RNPS1: variants seen among roughly 807,000 people sequenced by gnomAD.
RNPS1 encodes RNA-binding protein with serine-rich domain 1.
For missense variants in RNPS1, 300 were observed against 427.6 expected, an observed-to-expected ratio of 0.70 and a Z score of 2.63; for synonymous variants, 147 against 150.0, an observed-to-expected ratio of 0.98 and a Z score of 0.15.
Position 2,254,057 on chromosome 16 carries a change from G to A in RNPS1, c.825C>T (p.Arg275=). ...GCACGGGGGACCTGCGCCTCGGGGA[G>A]CGGGACCTGCGGGAAGAGGAGAAAC... The part of the protein sequence containing the change: ...RSPPRMRRRS[R]SPRRRSPVRR... Residue 275 remains arginine (R), a synonymous_variant, in exon 8 of 8, where the codon CGC becomes CGT. Transcript: ENST00000320225. 1 of 1,477,808 alleles carries A rather than the reference G, an allele frequency of 6.8e-7. No homozygotes were observed. Among genetic ancestry groups the A allele is most frequent in the South Asian group, 1.4e-5 (1 of 71,794 alleles). The allele number at this position is 1,477,808 out of a possible 1,614,324, so 91.5% of individuals were successfully genotyped here. A position where few individuals can be genotyped will look rare whatever the true frequency, so the allele number is the denominator to read the frequency against.
chr16:2,256,017 C>T (rs958794201), intron 6 of RNPS1: 47 of 344,026 alleles, frequency 1.4e-4, no homozygotes, highest in Admixed American at 9.2e-4. Context: ...ACCAGCTACT[C>T]GGGAGGCTGA....
intron 7 of RNPS1, among the ~76,000 whole-genome samples, chr16:2,254,326 T>C (rs1449957332): frequency 6.6e-6 from 1 of 151,936 alleles, no homozygotes; most frequent in East Asian, 1.9e-4. Context: ...ATATATTTAT[T>C]TTGAGATGGG....
rs997820316 is a variant in RNPS1, at chr16:2,253,745, T to C, written c.*219A>G. On this transcript the variant is annotated 3_prime_UTR_variant, in exon 8 of 8. Transcript: ENST00000320225. ...AGAAACCGGAAACGGATGAGCTTTC[T>C]AGCCAGAAAACCGGAGGGAATCTTG... 1.5e-6 allele frequency: 1 copy of C among 664,524 alleles called. No individual in the cohort carries two copies. The allele number at this position is 664,524 out of a possible 1,614,324, so 41.2% of individuals were successfully genotyped here. A position where few individuals can be genotyped will look rare whatever the true frequency, so the allele number is the denominator to read the frequency against.
In RNPS1 at chr16:2,262,290, G is replaced by A. The variant is rs2093606193; in HGVS notation, c.664C>T (p.His222Tyr). Residue 222 changes from histidine to tyrosine, a missense_variant, in exon 6 of 8, where the codon CAC becomes TAC. By Grantham distance (83) the His-to-Tyr change is moderately conservative. Coordinates refer to ENST00000320225, the MANE Select transcript of RNPS1 (RefSeq NM_080594.4). The part of the protein sequence containing the change: ...NPDEAEKALK[H>Y]MDGGQIDGQE... The stretch of plus-strand genomic sequence containing the variant: ...CAGGGTCACCCACCTCCATCCATGT[G>A]CTTCAGCGCCTTCTCGGCTTCATCT... The A allele has an allele frequency of 3.7e-6, 6 of 1,612,884 alleles. No individual in the cohort carries two copies. The highest frequency in any genetic ancestry group is 5.1e-6 in the Non-Finnish European group (6 of 1,179,978).
chr16:2,258,081 T>G (rs1048313008), intron 6 of RNPS1: 2 of 152,190 alleles, frequency 1.3e-5, no homozygotes, highest in Non-Finnish European at 2.9e-5. Flanking sequence ...CAGATACAAA[T>G]AGCTATAAAC....
Position 2,264,169 on chromosome 16 carries a change from G to A in RNPS1, c.227+7C>T, listed in dbSNP as rs375342164. 7 of 1,612,466 alleles carry A rather than the reference G, an allele frequency of 4.3e-6. No individual in the cohort carries two copies. The highest frequency in any genetic ancestry group is 2.2e-5 in the South Asian group (2 of 91,014). On this transcript the variant is annotated splice_region_variant and intron_variant, in intron 3 of 7. Coordinates refer to ENST00000320225, the MANE Select transcript of RNPS1 (RefSeq NM_080594.4). ...TCCTCTCCAGGCTCCAGGCCAGCCC[G>A]CCCCACCTGGTACTGCTGCTACCAC...
At chr16:2,263,738 G>A (rs970107740) in intron 3 of RNPS1, among the ~76,000 whole-genome samples, 5 of 151,884 alleles carry the variant, frequency 3.3e-5, no homozygotes, top group East Asian at 1.9e-4. Context: ...TCAGCCTCCC[G>A]AGTAGCTGGG....
In RNPS1 at chr16:2,255,729, G is replaced by A. The variant is rs2093575185; in HGVS notation, c.677-3C>T. The stretch of plus-strand genomic sequence containing the variant: ...GATCTCCTGGCCATCAATTTGTCCT[G>A]TTGAAAAAGACAGCAAGTCATAAAA... On this transcript the variant is annotated splice_polypyrimidine_tract_variant and splice_region_variant and intron_variant, in intron 6 of 7. Transcript: ENST00000320225. 6.2e-7 allele frequency: 1 copy of A among 1,613,502 alleles called. No individual in the cohort carries two copies. Among genetic ancestry groups the A allele is most frequent in the South Asian group, 1.1e-5 (1 of 91,076 alleles).
rs745541687 is a variant in RNPS1, at chr16:2,263,294, G to T, written c.228-7C>A. 1 of 1,613,824 alleles carries T rather than the reference G, an allele frequency of 6.2e-7. No homozygotes were observed. Among genetic ancestry groups the T allele is most frequent in the Non-Finnish European group, 8.5e-7 (1 of 1,179,886 alleles). On this transcript the variant is annotated splice_polypyrimidine_tract_variant and splice_region_variant and intron_variant, in intron 3 of 7. Transcript: ENST00000320225. The stretch of plus-strand genomic sequence containing the variant: ...AGTCGAGCTGGACCGAGACCTGAGG[G>T]CAAGATGAGGGGTCACAACCACCAC...
rs1179515614 is a variant in RNPS1 at position 2,268,111 on chromosome 16, C to T, written c.-174G>A. The T allele has an allele frequency of 5.9e-6, 9 of 1,534,678 alleles. No individual in the cohort carries two copies. Among genetic ancestry groups the T allele is most frequent in the South Asian group, 1.2e-5 (1 of 84,022 alleles). ...TCCTCAGCCGCCGAGGCCGGCGCCG[C>T]TCTGACGTCAGAGTCAAGGAGCGGG... On this transcript the variant is annotated 5_prime_UTR_variant, in exon 1 of 8. Transcript: ENST00000320225.
chr16:2,267,199 C>G (rs1430509746), intron 1 of RNPS1: 1 of 985,312 alleles, frequency 1.0e-6, no homozygotes, highest in Non-Finnish European at 1.2e-6. Context: ...CGGCTCAGGA[C>G]CTCGGTTACC....
intron 6 of RNPS1, 82 bp downstream of exon 6, chr16:2,262,196 C>T (rs1448772460): frequency 1.4e-6 from 2 of 1,381,112 alleles, no homozygotes; most frequent in Middle Eastern, 2.6e-4. Context: ...AAAAGAAGTG[C>T]AGCCCAGTTG....
At position 2,253,944 on chromosome 16, in the gene RNPS1, C is replaced by T. The variant is rs1027120515; in HGVS notation, c.*20G>A. 54 of 1,549,590 alleles carry T rather than the reference C, an allele frequency of 3.5e-5. No homozygotes were observed. Among genetic ancestry groups the T allele is most frequent in the Non-Finnish European group, 4.6e-5 (53 of 1,145,032 alleles). On this transcript the variant is annotated 3_prime_UTR_variant, in exon 8 of 8. Coordinates refer to ENST00000320225, the MANE Select transcript of RNPS1 (RefSeq NM_080594.4). ...CTGGGTGGGGTATAAGTTACAGGGG[C>T]GAGAGCTTCAGTGGCCTGTTTATCG... is the stretch of plus-strand genomic sequence containing the variant.
chr16:2,266,080 G>A (rs1390598208), intron 1 of RNPS1: 1 of 982,234 alleles, frequency 1.0e-6, no homozygotes, highest in Non-Finnish European at 1.2e-6. Context: ...GAAGATCTCA[G>A]GAATGGAGTC....
chr16:2,260,581 T>A (rs918795225), intron 6 of RNPS1, among the ~76,000 whole-genome samples: 1 of 152,180 alleles, frequency 6.6e-6, no homozygotes, highest in Non-Finnish European at 1.5e-5. Context: ...CACTTTCTAA[T>A]GGACAAAAAC....
At position 2,263,276 on chromosome 16, in the gene RNPS1, C is replaced by G. The variant is rs1404823267; in HGVS notation, c.239G>C (p.Ser80Thr). Residue 80 changes from serine to threonine, a missense_variant, in exon 4 of 8, where the codon AGC becomes ACC. Ser to Thr is a moderately conservative substitution (Grantham distance 58). Coordinates refer to ENST00000320225, the MANE Select transcript of RNPS1 (RefSeq NM_080594.4). Reference protein sequence around the residue: ...SGSSSTRSRSSSTSSSGSSTS... With the variant: ...SGSSSTRSRSTSTSSSGSSTS... The stretch of plus-strand genomic sequence containing the variant: ...GCTGGAGCCTGAGCTGGAAGTCGAG[C>G]TGGACCGAGACCTGAGGGCAAGATG... 6.2e-7 allele frequency: 1 copy of G among 1,613,832 alleles called. No individual in the cohort carries two copies. The highest frequency in any genetic ancestry group is 8.5e-7 in the Non-Finnish European group (1 of 1,179,954).
chr16:2,265,084 A>G (rs2093619782), intron 1 of RNPS1: 1 of 164,120 alleles, frequency 6.1e-6, no homozygotes, highest in Non-Finnish European at 1.3e-5. Context: ...TCCTTTCAAA[A>G]TGCCACAGCA....
intron 6 of RNPS1, chr16:2,255,964 A>C: frequency 2.0e-6 from 1 of 498,462 alleles, no homozygotes; most frequent in Non-Finnish European, 3.6e-6. Flanking sequence ...TCTCTACTAA[A>C]AAGACAATAA....
At chr16:2,267,572 G>A (rs2093630113) in intron 1 of RNPS1, 2 of 1,055,926 alleles carry the variant, frequency 1.9e-6, no homozygotes, top group Non-Finnish European at 2.3e-6. Flanking sequence ...GGGATCGGCC[G>A]ACCTTCCACC....
Sources: allele counts gnomAD v4.1 joint callset (sites outside exome capture counted in the v4.1 genomes callset), GRCh38; gene constraint gnomAD v4.1.1; transcripts MANE v1.5; gene names NCBI Gene and HGNC (gene_info 2026-07-23, HGNC 2026-07-21).